The following PWWP2A variants were observed in gnomAD, a reference collection of about 807,000 sequenced individuals.
PWWP2A encodes the protein PWWP domain-containing protein 2A.
PWWP2A carries 18 observed loss-of-function variants against 48.5 expected under a neutral mutation model. The ratio of observed to expected loss-of-function variants is 0.37; its 90% CI spans 0.26 to 0.55. The LOEUF is 0.55. Ranked by LOEUF, PWWP2A falls within the 20% of genes least tolerant of loss-of-function variation. The pLI is 0.81. For synonymous variants in PWWP2A, 396 were observed against 387.7 expected, an observed-to-expected ratio of 1.02 and a Z score of -0.25; for missense variants, 867 against 976.4, an observed-to-expected ratio of 0.89 and a Z score of 1.49.
intron 1 of PWWP2A, among the ~76,000 whole-genome samples, chr5:160,107,080 C>T (rs1561693912): frequency 6.6e-6 from 1 of 152,170 alleles, no homozygotes; most frequent in Non-Finnish European, 1.5e-5. Context: ...CCCACCTTGG[C>T]CTCCCAAAGT....
In PWWP2A at chr5:160,106,984, C is replaced by T. The variant is rs1412904426; in HGVS notation, c.584+11821G>A. 3.3e-5 allele frequency among the ~76,000 whole-genome samples: 5 copies of T among 151,972 alleles called. No individual in the cohort carries two copies. The East Asian group carries it at 9.6e-4, about 29-fold the overall frequency. On this transcript the variant is annotated intron_variant, in intron 1 of 1. Transcript: ENST00000307063. ...GATTACAGGCACACACCACCACGCT[C>T]AACTAATTTTTTTGTATTTTTAGTA...
chr5:160,051,253 A>G, the PWWP2A span: 1 of 1,250,080 alleles, frequency 8.0e-7, no homozygotes, highest in Admixed American at 2.0e-5. Flanking sequence ...AGCGAATACT[A>G]GAGGAGAACA....
intron 1 of PWWP2A, among the ~76,000 whole-genome samples, chr5:160,102,397 CAAAAAAA>C (rs70988002): frequency 3.1e-5 from 2 of 64,220 alleles, no homozygotes; most frequent in Non-Finnish European, 5.8e-5. Flanking sequence ...GACTCCATCT[CAAAAAAA>C]AAAAAAAAAA....
chr5:160,060,386 C>T (rs1408499065), downstream of PWWP2A, among the ~76,000 whole-genome samples: 1 of 152,190 alleles, frequency 6.6e-6, no homozygotes, highest in South Asian at 2.1e-4. Flanking sequence ...GGCAAGCACT[C>T]GGATCCCTGT....
At chr5:160,106,888 G>A (rs1014765075) in intron 1 of PWWP2A, among the ~76,000 whole-genome samples, 8 of 148,122 alleles carry the variant, frequency 5.4e-5, no homozygotes, top group African/African-American at 2.0e-4. Context: ...GCAGTGGGGA[G>A]ATCTCAGCTC....
At chr5:160,067,174 C>T (rs1034107973) in intron 2 of PWWP2A, among the ~76,000 whole-genome samples, 2 of 152,164 alleles carry the variant, frequency 1.3e-5, no homozygotes, top group African/African-American at 4.8e-5. Context: ...AAGAGTCTCA[C>T]ATCTCTTATA....
At chr5:160,103,840 G>A (rs1756561491) in intron 1 of PWWP2A, among the ~76,000 whole-genome samples, 2 of 152,138 alleles carry the variant, frequency 1.3e-5, no homozygotes, top group Admixed American at 6.6e-5. Flanking sequence ...TAAGAAGGCT[G>A]GCTGGGAGCA....
rs34019044 is a variant in PWWP2A, at chr5:160,069,877, A to G, written c.*80-3006T>C. On this transcript the variant is annotated intron_variant and NMD_transcript_variant, in intron 2 of 5. Transcript: ENST00000524050. ...TTGGATATTTCCAAGAATTAAAAAA[A>G]TCCCCAACTTTTCCTTTCGTTTCAG... 2.6e-3 allele frequency among the ~76,000 whole-genome samples: 392 copies of G among 152,324 alleles called. 1 individual carries two copies. Among genetic ancestry groups the G allele is most frequent in the Admixed American group, 6.4e-3 (98 of 15,296 alleles).
chr5:160,051,103 AC>A, the PWWP2A span: 2 of 1,535,820 alleles, frequency 1.3e-6, no homozygotes, highest in South Asian at 2.4e-5. Context: ...TTTTTTACCA[AC>A]CCTTGTTTCT....
At position 160,092,619 on chromosome 5, in the gene PWWP2A, A is replaced by G. The variant is rs959673511; in HGVS notation, c.2031T>C (p.Thr677=). ...PWWPARILTI[T]VSRKDNGLLV... Reference sequence around the variant, plus strand: ...AAAGGCCGTTATCTTTCCGGCTCACAGTTATAGTAAGAATACGGGCTGGCC... The same window carrying G: ...AAAGGCCGTTATCTTTCCGGCTCACGGTTATAGTAAGAATACGGGCTGGCC... Residue 677 remains threonine (T), a synonymous_variant, in exon 2 of 2, where the codon ACT becomes ACC. Transcript: ENST00000307063. 1.2e-5 allele frequency: 19 copies of G among 1,551,598 alleles called. No homozygotes were observed. The East Asian group carries it at 4.4e-4, about 36-fold the overall frequency.
At chr5:160,074,374 G>C, downstream of PWWP2A, among the ~76,000 whole-genome samples, 1 of 151,958 alleles carries the variant, frequency 6.6e-6, no homozygotes, top group East Asian at 1.9e-4. Context: ...GGAGGTGGAG[G>C]TTGCAGTGAG....
intron 1 of PWWP2A, among the ~76,000 whole-genome samples, chr5:160,101,492 A>G (rs1756283683): frequency 6.6e-6 from 1 of 152,214 alleles, no homozygotes; most frequent in Non-Finnish European, 1.5e-5. Flanking sequence ...CAGAAAGTAG[A>G]ATGGTTGACA....
At chr5:160,061,624 A>G (rs1753403782), downstream of PWWP2A, among the ~76,000 whole-genome samples, 1 of 151,588 alleles carries the variant, frequency 6.6e-6, no homozygotes, top group Non-Finnish European at 1.5e-5. Flanking sequence ...TATTATATAT[A>G]TGTAATCTCA....
intron 1 of PWWP2A, among the ~76,000 whole-genome samples, chr5:160,098,147 T>G (rs937968302): frequency 6.6e-6 from 1 of 152,228 alleles, no homozygotes; most frequent in African/African-American, 2.4e-5. Context: ...TGAAGTTCAG[T>G]AAGAATGTTA....
intron 1 of PWWP2A, among the ~76,000 whole-genome samples, chr5:160,101,223 G>T (rs1181143383): frequency 6.6e-6 from 1 of 152,078 alleles, no homozygotes; most frequent in Non-Finnish European, 1.5e-5. Flanking sequence ...GGTGGTGCAT[G>T]CCTGTAATCC....
the PWWP2A span, among the ~76,000 whole-genome samples, chr5:160,046,687 G>A: frequency 6.6e-6 from 1 of 152,116 alleles, no homozygotes; most frequent in Non-Finnish European, 1.5e-5. Context: ...AATTAAGACA[G>A]AAGGAAAATG....
At chr5:160,098,336 A>G (rs564386610) in intron 1 of PWWP2A, among the ~76,000 whole-genome samples, 7 of 152,196 alleles carry the variant, frequency 4.6e-5, no homozygotes, top group Non-Finnish European at 1.0e-4. Context: ...GTGGGTAGTG[A>G]ATGCCTGGCA....
chr5:160,099,909 G>A (rs74874757), intron 1 of PWWP2A, among the ~76,000 whole-genome samples: 5,645 of 151,738 alleles, frequency 0.037, 125 homozygotes, highest in East Asian at 0.1. Flanking sequence ...CAACTGATCT[G>A]CCCTCCTTGG....
chr5:160,088,087 CTG>C (rs1421141897), downstream of PWWP2A, among the ~76,000 whole-genome samples: 2 of 152,320 alleles, frequency 1.3e-5, no homozygotes, highest in African/African-American at 2.4e-5. Flanking sequence ...TCTACACAAA[CTG>C]TAAATTTGGA....
Sources: gnomAD v4.1 joint callset for allele counts (sites outside exome capture counted in the v4.1 genomes callset) on GRCh38, gnomAD v4.1.1 for gene constraint, MANE v1.5 for transcripts, NCBI Gene and HGNC (gene_info 2026-07-23, HGNC 2026-07-21) for gene names.